Variants in CCDC7 observed in about 807,000 individuals in gnomAD.
CCDC7 encodes coiled-coil domain-containing protein 7.
CCDC7 carries 183 observed loss-of-function variants against 196.9 expected under a neutral mutation model. The observed-to-expected ratio is 0.93, with a 90% CI of 0.82 to 1.05. CCDC7 has a LOEUF of 1.05. Among genes scored for constraint, CCDC7 ranks in the 50% least tolerant of loss-of-function variants. The pLI is 0.00. For missense variants in CCDC7, 1,540 were observed against 1,482.2 expected (o/e 1.04, Z -0.64); for synonymous variants, 525 against 484.6 (o/e 1.08, Z -1.10).
chr10:32,808,362 G>A (rs2086309018), intron 30 of CCDC7, among the ~76,000 whole-genome samples: 1 of 152,162 alleles, frequency 6.6e-6, no homozygotes, highest in South Asian at 2.1e-4. Context: ...GACACCCAAA[G>A]GCCGGGGGCT....
upstream of CCDC7, among the ~76,000 whole-genome samples, chr10:32,445,355 A>C (rs2030707630): frequency 2.0e-5 from 3 of 152,202 alleles, no homozygotes; most frequent in South Asian, 6.2e-4. Flanking sequence ...CTGGAAAATT[A>C]GAAATAATTA....
intron 27 of CCDC7, 49 bp from the exon 29 acceptor site, chr10:32,729,283 A>G: frequency 1.3e-6 from 2 of 1,485,110 alleles, no homozygotes; most frequent in South Asian, 1.3e-5. Flanking sequence ...TCTGATGATT[A>G]CTTGGCATAT....
chr10:32,760,001 T>C (rs2077171434), intron 28 of CCDC7, among the ~76,000 whole-genome samples: 3 of 152,190 alleles, frequency 2.0e-5, no homozygotes, highest in South Asian at 2.1e-4. Context: ...AAAATGCTCA[T>C]CATCACTGGC....
At chr10:32,690,609 G>A (rs1026514711) in intron 23 of CCDC7, among the ~76,000 whole-genome samples, 1 of 152,174 alleles carries the variant, frequency 6.6e-6, no homozygotes, top group East Asian at 1.9e-4. Context: ...GTTATTGAAT[G>A]GAGAAATAGT....
At chr10:32,671,346 GTATT>G (rs1249252574) in intron 21 of CCDC7, among the ~76,000 whole-genome samples, 2 of 152,140 alleles carry the variant, frequency 1.3e-5, no homozygotes, top group South Asian at 2.1e-4. Context: ...ATTGAATACA[GTATT>G]TAGTATAGTA....
At chr10:32,456,415 G>A (rs1015473895) in intron 3 of CCDC7, 81 bp downstream of exon 4, 2 of 1,146,804 alleles carry the variant, frequency 1.7e-6, no homozygotes, top group East Asian at 5.8e-5. Context: ...TATCCAGTCA[G>A]CCAACATTAA....
upstream of CCDC7, chr10:32,446,726 TC>T (rs936389707): frequency 2.0e-5 from 3 of 152,204 alleles, no homozygotes; most frequent in African/African-American, 4.8e-5. Flanking sequence ...GACATCCACT[TC>T]CTAGCATTGT....
At chr10:32,559,343 A>T (rs944843436) in intron 13 of CCDC7, among the ~76,000 whole-genome samples, 3 of 152,224 alleles carry the variant, frequency 2.0e-5, no homozygotes, top group African/African-American at 7.2e-5. Context: ...ACGCAGCTGG[A>T]GATCTGAGAA....
At chr10:32,728,969 A>C (rs750926062) in exon 27 of CCDC7, 63 of 1,573,674 alleles carry the variant, frequency 4.0e-5, no homozygotes, top group Non-Finnish European at 5.1e-5. Context: ...AAAAGAAACA[A>C]ATAAATTCTG....
At chr10:32,498,071 G>T (rs1353807765) in intron 9 of CCDC7, among the ~76,000 whole-genome samples, 1 of 152,114 alleles carries the variant, frequency 6.6e-6, no homozygotes, top group Non-Finnish European at 1.5e-5. Context: ...ATGAATCTGG[G>T]TGCTCCTGTA....
intron 33 of CCDC7, 151 bp from the exon 35 acceptor site, chr10:32,845,092 T>C: frequency 2.1e-6 from 1 of 475,180 alleles, no homozygotes; most frequent in East Asian, 3.3e-5. Context: ...TTAAATTAAG[T>C]ATGAACCTTT....
chr10:32,462,652 T>C, intron 3 of CCDC7, 31 bp from the exon 5 acceptor site: 1 of 1,383,794 alleles, frequency 7.2e-7, no homozygotes, highest in Non-Finnish European at 9.8e-7. Flanking sequence ...ATTCTAATTT[T>C]AAATGTGTTA....
At chr10:32,599,756 T>C (rs1270611541) in intron 18 of CCDC7, among the ~76,000 whole-genome samples, 1 of 152,182 alleles carries the variant, frequency 6.6e-6, no homozygotes, top group African/African-American at 2.4e-5. Flanking sequence ...ACCTGTCACC[T>C]GAGTAGCATA....
At chr10:32,640,489 G>C (rs761518927) in intron 20 of CCDC7, among the ~76,000 whole-genome samples, 8 of 152,230 alleles carry the variant, frequency 5.3e-5, no homozygotes, top group African/African-American at 9.6e-5. Flanking sequence ...CTTTTAATTG[G>C]AGCTTTTAGC....
At chr10:32,822,539 AAATAATTATAAC>A (rs1374693651) in intron 31 of CCDC7, among the ~76,000 whole-genome samples, 1 of 152,180 alleles carries the variant, frequency 6.6e-6, no homozygotes, top group Non-Finnish European at 1.5e-5. Context: ...TTATACAAAG[AAATAATTATAAC>A]AATAATTATT....
intron 18 of CCDC7, among the ~76,000 whole-genome samples, chr10:32,627,039 T>A (rs1330167541): frequency 6.6e-6 from 1 of 151,608 alleles, no homozygotes; most frequent in Admixed American, 6.6e-5. Context: ...TTCAGGTTTT[T>A]TTTTTTTTGT....
At chr10:32,596,756 A>G (rs1381785431) in intron 18 of CCDC7, among the ~76,000 whole-genome samples, 3 of 152,108 alleles carry the variant, frequency 2.0e-5, no homozygotes, top group African/African-American at 7.2e-5. Context: ...GTTTGTCTGT[A>G]AAGTATTTTA....
chr10:32,655,527 T>C (rs1233723514), intron 20 of CCDC7, among the ~76,000 whole-genome samples: 12 of 152,148 alleles, frequency 7.9e-5, no homozygotes, highest in Admixed American at 7.9e-4. Flanking sequence ...TGTGTCTTTT[T>C]TGTTTGTTTG....
intron 22 of CCDC7, 139 bp from the exon 24 acceptor site, chr10:32,688,914 A>G (rs1388633699): frequency 1.5e-5 from 9 of 619,076 alleles, no homozygotes; most frequent in Non-Finnish European, 2.6e-5. Flanking sequence ...TTTTCATAGT[A>G]GATATAGCAT....
Sources: allele counts gnomAD v4.1 joint callset (sites outside exome capture counted in the v4.1 genomes callset), GRCh38; gene constraint gnomAD v4.1.1; transcripts MANE v1.5; gene names NCBI Gene and HGNC (gene_info 2026-07-23, HGNC 2026-07-21).